Variants in ZNF423 observed in about 807,000 individuals in gnomAD.
The protein encoded by ZNF423 is zinc finger protein 423, also known as Ebf-associated zinc finger protein.
In ZNF423, 12 loss-of-function variants were observed where a neutral mutation model predicts 95.8. That is an observed-to-expected ratio of 0.13 (90% CI 0.08 to 0.20). ZNF423 has a LOEUF of 0.20. ZNF423 is among the 10% of genes least tolerant of loss of function. The probability of loss-of-function intolerance (pLI) is 1.00; values close to 1 mark genes in which losing one functional copy is unlikely to be tolerated. For missense variants in ZNF423, 1,316 were observed against 1,737.1 expected (o/e 0.76, Z 4.31); for synonymous variants, 749 against 711.9 (o/e 1.05, Z -0.83).
At chr16:49,516,597 C>T (rs769507108) in intron 7 of ZNF423, among the ~76,000 whole-genome samples, 2 of 152,234 alleles carry the variant, frequency 1.3e-5, no homozygotes, top group Non-Finnish European at 2.9e-5. Context: ...CTGCTTCACT[C>T]TTGGCAGCAT....
chr16:49,737,214 C>T (rs1248542477), intron 2 of ZNF423, among the ~76,000 whole-genome samples: 2 of 150,436 alleles, frequency 1.3e-5, no homozygotes, highest in South Asian at 2.1e-4. Context: ...ATTCAAAGCA[C>T]GTGCCAGGAA....
chr16:49,586,656 T>A (rs2151810222), intron 5 of ZNF423, among the ~76,000 whole-genome samples: 1 of 152,358 alleles, frequency 6.6e-6, no homozygotes, highest in East Asian at 1.9e-4. Flanking sequence ...GGCGTGTGGA[T>A]CACAGCTCAG....
chr16:49,832,071 C>A (rs895617685), intron 1 of ZNF423, among the ~76,000 whole-genome samples: 1 of 151,980 alleles, frequency 6.6e-6, no homozygotes, highest in African/African-American at 2.4e-5. Flanking sequence ...AAAGTGGAGG[C>A]TCCATAAAGG....
intron 5 of ZNF423, among the ~76,000 whole-genome samples, chr16:49,543,552 G>A (rs574635488): frequency 1.3e-5 from 2 of 152,216 alleles, no homozygotes; most frequent in Non-Finnish European, 2.9e-5. Flanking sequence ...TGCGGGCTGG[G>A]TCTTAAGAGG....
intron 3 of ZNF423, among the ~76,000 whole-genome samples, chr16:49,703,504 T>A (rs1305303045): frequency 6.6e-6 from 1 of 152,240 alleles, no homozygotes; most frequent in African/African-American, 2.4e-5. Context: ...ATCCTCAACC[T>A]GGTGGCCCTT....
intron 3 of ZNF423, among the ~76,000 whole-genome samples, chr16:49,643,948 A>G (rs1314100597): frequency 6.6e-6 from 1 of 152,252 alleles, no homozygotes; most frequent in Non-Finnish European, 1.5e-5. Flanking sequence ...GGTGACCAGC[A>G]TGGAGCAGGA....
In ZNF423 at chr16:49,603,652, C is replaced by T. The variant is rs536897675; in HGVS notation, c.3601+22518G>A. 3.3e-5 allele frequency among the ~76,000 whole-genome samples: 5 copies of T among 152,236 alleles called. No homozygotes were observed. The highest frequency in any genetic ancestry group is 4.2e-4 in the South Asian group (2 of 4,818). On this transcript the variant is annotated intron_variant, in intron 5 of 7. Coordinates refer to ENST00000563137, the MANE Select transcript of ZNF423 (RefSeq NM_001379286.1). This position sits in a 1 kb window ranked among gnomAD's most constrained non-coding sequence, Gnocchi z 4.1. ...CTCGAACTCCTGATCTCAGGTGATCCGCCCACCTCGGCCTCCCAAAGTCCT... is the reference window on the plus strand; with the variant it reads ...CTCGAACTCCTGATCTCAGGTGATCTGCCCACCTCGGCCTCCCAAAGTCCT...
chr16:49,545,851 C>T (rs1162261982), intron 5 of ZNF423, among the ~76,000 whole-genome samples: 12 of 152,180 alleles, frequency 7.9e-5, no homozygotes, highest in Admixed American at 7.9e-4. Context: ...CACTTTACAT[C>T]TGGGATGGGC....
intron 1 of ZNF423, among the ~76,000 whole-genome samples, chr16:49,804,775 C>T (rs536912326): frequency 1.3e-5 from 2 of 152,294 alleles, no homozygotes; most frequent in South Asian, 4.1e-4. Context: ...CACACCAACC[C>T]TGTGCACACC....
At chr16:49,601,135 G>A (rs932566367) in intron 5 of ZNF423, among the ~76,000 whole-genome samples, 5 of 152,130 alleles carry the variant, frequency 3.3e-5, no homozygotes, top group East Asian at 1.9e-4. Context: ...TGCTGACGAC[G>A]GACTAAAAGG....
At chr16:49,732,288 C>T (rs1310782040) in intron 2 of ZNF423, among the ~76,000 whole-genome samples, 1 of 152,190 alleles carries the variant, frequency 6.6e-6, no homozygotes, top group Admixed American at 6.5e-5. Context: ...ACACCAGGAA[C>T]TTGTAAATCA....
chr16:49,734,699 C>A (rs2033245325), intron 2 of ZNF423, among the ~76,000 whole-genome samples: 1 of 152,198 alleles, frequency 6.6e-6, no homozygotes, highest in South Asian at 2.1e-4. Flanking sequence ...AGAAACCGAA[C>A]CAGTGCTGTG....
At chr16:49,617,012 A>G (rs1297271935) in intron 5 of ZNF423, among the ~76,000 whole-genome samples, 1 of 152,172 alleles carries the variant, frequency 6.6e-6, no homozygotes. Context: ...AGGTGTGGTG[A>G]GTTGCACTGT....
At chr16:49,853,512 G>T (rs964969546) in intron 1 of ZNF423, among the ~76,000 whole-genome samples, 1 of 152,156 alleles carries the variant, frequency 6.6e-6, no homozygotes, top group African/African-American at 2.4e-5. Flanking sequence ...GAATCAGGGG[G>T]TCTCTGACTC....
At chr16:49,513,271 A>G (rs1480054566) in intron 7 of ZNF423, among the ~76,000 whole-genome samples, 1 of 152,110 alleles carries the variant, frequency 6.6e-6, no homozygotes, top group African/African-American at 2.4e-5. Flanking sequence ...TTCAGGCCAC[A>G]CCCATCTGGG....
chr16:49,794,576 C>T (rs939891577), intron 1 of ZNF423, among the ~76,000 whole-genome samples: 15 of 152,172 alleles, frequency 9.9e-5, no homozygotes, highest in African/African-American at 3.6e-4. Flanking sequence ...GGCATGCACA[C>T]GCTCATGTGT....
chr16:49,691,237 T>G (rs1432581990), intron 3 of ZNF423, among the ~76,000 whole-genome samples: 1 of 152,252 alleles, frequency 6.6e-6, no homozygotes, highest in Admixed American at 6.5e-5. Context: ...AGTGGCCACC[T>G]TCTATGCCCC....
intron 1 of ZNF423, among the ~76,000 whole-genome samples, chr16:49,829,075 A>G (rs990087142): frequency 1.3e-5 from 2 of 152,126 alleles, no homozygotes; most frequent in Non-Finnish European, 2.9e-5. Context: ...CAGCACCCAT[A>G]TCATGTGGCT....
intron 7 of ZNF423, among the ~76,000 whole-genome samples, chr16:49,498,648 C>T (rs75018323): frequency 1.3e-5 from 2 of 152,196 alleles, no homozygotes; most frequent in Non-Finnish European, 2.9e-5. Flanking sequence ...TTTCCCTCTG[C>T]TCCCATCCCC....
Sources: gnomAD v4.1 joint callset for allele counts (sites outside exome capture counted in the v4.1 genomes callset) on GRCh38, gnomAD v4.1.1 for gene constraint, Gnocchi (gnomAD v3.1) non-coding constraint, MANE v1.5 for transcripts, NCBI Gene and HGNC (gene_info 2026-07-23, HGNC 2026-07-21) for gene names.